Variants in SYNE3 observed in about 807,000 individuals in gnomAD.
The protein encoded by SYNE3 is nesprin-3.
A neutral mutation model predicts 111.2 loss-of-function variants in SYNE3; 100 were observed. The observed-to-expected ratio is 0.90, with a 90% confidence interval of 0.77 to 1.06. SYNE3 has a LOEUF of 1.06. Among genes scored for constraint, SYNE3 ranks in the 50% least tolerant of loss-of-function variants. SYNE3 has a pLI of 0.00. For synonymous variants in SYNE3, 547 were observed against 533.9 expected (o/e 1.02, Z -0.34); for missense variants, 1,160 against 1,240.3 (o/e 0.94, Z 0.97).
chr14:95,417,676 C>T lies in SYNE3; in HGVS notation c.*150G>A. ...ACAACACTGTATAAAAAGTAAGTGT[C>T]TTCTGGGAACGCTGACACAGCACTG... On this transcript the variant is annotated 3_prime_UTR_variant, in exon 18 of 18. Coordinates refer to ENST00000682763, the MANE Select transcript of SYNE3 (RefSeq NM_152592.6). The T allele has an allele frequency of 2.5e-6, 2 of 791,988 alleles. No homozygotes were observed. Among genetic ancestry groups the T allele is most frequent in the Non-Finnish European group, 4.3e-6 (2 of 461,132 alleles). 49.1% of individuals were successfully genotyped at this position (791,988 alleles called of 1,614,324 possible). A position where few individuals can be genotyped will look rare whatever the true frequency, so the allele number is the denominator to read the frequency against.
rs1478523838 is a variant in SYNE3 at position 95,414,843 on chromosome 14, G to T, written c.*2983C>A. ...GCCTGGCTCTCCTTTAAGCAAAGGA[G>T]ATTGCACTTGTGCTTGGAAGCACCA... On this transcript the variant is annotated 3_prime_UTR_variant, in exon 18 of 18. Coordinates refer to ENST00000682763, the MANE Select transcript of SYNE3 (RefSeq NM_152592.6). The T allele has an allele frequency of 6.6e-6, 1 of 152,206 alleles. No homozygotes were observed. The highest frequency in any genetic ancestry group is 1.5e-5 in the Non-Finnish European group (1 of 68,040). 9.4% of individuals were successfully genotyped at this position (152,206 alleles called of 1,614,324 possible).
intron 1 of SYNE3, among the ~76,000 whole-genome samples, chr14:95,506,834 G>A (rs1890545625): frequency 6.6e-6 from 1 of 152,166 alleles, no homozygotes; most frequent in Non-Finnish European, 1.5e-5. Flanking sequence ...CCAGGCCCAT[G>A]GAGGTTATGT....
At chr14:95,504,839 AAAAG>A (rs1386533875) in intron 1 of SYNE3, among the ~76,000 whole-genome samples, 1 of 151,178 alleles carries the variant, frequency 6.6e-6, no homozygotes, top group Admixed American at 6.6e-5. Flanking sequence ...GAAAAAAGAA[AAAAG>A]AAAAAAGACA....
chr14:95,443,426 G>A (rs1886520841), intron 10 of SYNE3, 137 bp from the exon 11 acceptor site: 1 of 1,105,932 alleles, frequency 9.0e-7, no homozygotes, highest in Non-Finnish European at 1.3e-6. Context: ...TTTCATACCA[G>A]CGGAAGTACC....
At chr14:95,419,716 T>C (rs1187405350) in intron 17 of SYNE3, among the ~76,000 whole-genome samples, 1 of 10,524 alleles carries the variant, frequency 9.5e-5, no homozygotes, top group Non-Finnish European at 1.7e-4. Flanking sequence ...GGTGGTGGGG[T>C]GGGGGTGGGG....
intron 17 of SYNE3, among the ~76,000 whole-genome samples, chr14:95,422,255 G>C (rs550266185): frequency 2.0e-5 from 3 of 151,868 alleles, no homozygotes; most frequent in African/African-American, 4.8e-5. Flanking sequence ...GGCTCCACTT[G>C]TTAGTGAACT....
At chr14:95,444,369 T>A in intron 10 of SYNE3, 116 bp downstream of exon 10, 1 of 1,411,810 alleles carries the variant, frequency 7.1e-7, no homozygotes, top group Non-Finnish European at 9.4e-7. Context: ...ACTAAGGGTC[T>A]AAATTTCTGG....
intron 15 of SYNE3, among the ~76,000 whole-genome samples, chr14:95,434,506 C>T (rs1885973773): frequency 6.6e-6 from 1 of 152,138 alleles, no homozygotes; most frequent in Non-Finnish European, 1.5e-5. Flanking sequence ...TAAACCTGGA[C>T]CTTGTGTAGA....
chr14:95,441,881 C>A (rs899520666), intron 11 of SYNE3, among the ~76,000 whole-genome samples: 2 of 152,192 alleles, frequency 1.3e-5, no homozygotes, highest in South Asian at 2.1e-4. Flanking sequence ...GAGGGTGATA[C>A]TAGGTGGAGT....
intron 17 of SYNE3, among the ~76,000 whole-genome samples, chr14:95,423,535 GATGGGGATTTGATGGGC>G (rs1566954912): frequency 6.6e-5 from 6 of 90,278 alleles, no homozygotes; most frequent in Admixed American, 1.2e-4. Flanking sequence ...ATTTGATGGG[GATGGGGATTTGATGGGC>G]ATGGGGATTT....
At chr14:95,480,076 A>G in intron 1 of SYNE3, among the ~76,000 whole-genome samples, 1 of 152,202 alleles carries the variant, frequency 6.6e-6, no homozygotes, top group East Asian at 1.9e-4. Context: ...TAAATAAATA[A>G]AAAAGAACTG....
chr14:95,413,199 C>CTCTG lies in SYNE3; in HGVS notation c.*4623_*4626dup, dbSNP rs1903479720. 1 of 140,514 alleles carries CTCTG rather than the reference C, an allele frequency of 7.1e-6. No individual in the cohort carries two copies. The highest frequency in any genetic ancestry group is 1.5e-5 in the Non-Finnish European group (1 of 64,570). 8.7% of individuals were successfully genotyped at this position (140,514 alleles called of 1,614,324 possible). A position where few individuals can be genotyped will look rare whatever the true frequency, so the allele number is the denominator to read the frequency against. ...CCCTTCCTCCTTTTCTCTCTCTTCT[C>CTCTG]TCTGTCTCTTTTGCTCTCACTCTCT... On this transcript the variant is annotated 3_prime_UTR_variant, in exon 18 of 18. Transcript: ENST00000682763.
intron 1 of SYNE3, among the ~76,000 whole-genome samples, chr14:95,480,517 C>T (rs1426096450): frequency 6.6e-6 from 1 of 152,204 alleles, no homozygotes; most frequent in Non-Finnish European, 1.5e-5. Context: ...CAGCCAGTCC[C>T]CCAGAGGTGG....
chr14:95,482,008 C>T (rs1244367903), intron 1 of SYNE3, among the ~76,000 whole-genome samples: 2 of 152,220 alleles, frequency 1.3e-5, no homozygotes, highest in East Asian at 3.8e-4. Context: ...CCTTCCCCGG[C>T]TCTCCAAAGC....
rs1159071106 is a variant in SYNE3 at position 95,415,461 on chromosome 14, T to C, written c.*2365A>G. Reference sequence around the variant, plus strand: ...TTCTCTTCTTCCATGAAATCACAAATTTCTCTAGATATTTGGAAACCAAGT... The same window carrying C: ...TTCTCTTCTTCCATGAAATCACAAACTTCTCTAGATATTTGGAAACCAAGT... On this transcript the variant is annotated 3_prime_UTR_variant, in exon 18 of 18. Coordinates refer to ENST00000682763, the MANE Select transcript of SYNE3 (RefSeq NM_152592.6). 2.6e-5 allele frequency: 4 copies of C among 152,162 alleles called. No homozygotes were observed. Among genetic ancestry groups the C allele is most frequent in the African/African-American group, 9.7e-5 (4 of 41,424 alleles). 9.4% of individuals were successfully genotyped at this position (152,162 alleles called of 1,614,324 possible).
chr14:95,455,742 G>A lies in SYNE3; in HGVS notation c.790-18C>T, dbSNP rs1887392975. 6.2e-7 allele frequency: 1 copy of A among 1,608,598 alleles called. No individual in the cohort carries two copies. Among genetic ancestry groups the A allele is most frequent in the Non-Finnish European group, 8.5e-7 (1 of 1,176,758 alleles). On this transcript the variant is annotated intron_variant, in intron 5 of 17. Transcript: ENST00000682763. The stretch of plus-strand genomic sequence containing the variant: ...GCAATGTCCTGAAGAGGGTAGAGGG[G>A]TGAGGGAAAAACAGGCAGGGAAAAA...
chr14:95,439,034 C>G lies in SYNE3; in HGVS notation c.2375G>C (p.Arg792Pro). ...CACAGCCCTGCTAGACAGACTCACG[C>G]GTCGACGATGCCTGGGAATAGGATC... Reference protein sequence around the residue: ...PMDPIPRHRRRANLLQEEEGS... With the variant: ...PMDPIPRHRRPANLLQEEEGS... The change falls in exon 14 of 18, where the codon CGC (arginine) becomes CCC (proline). Residue 792 changes from arginine to proline, a missense_variant and splice_region_variant. Physicochemically the swap from Arg to Pro is moderately radical, Grantham distance 103. Transcript: ENST00000682763. 6.2e-7 allele frequency: 1 copy of G among 1,614,050 alleles called. No homozygotes were observed. The highest frequency in any genetic ancestry group is 8.5e-7 in the Non-Finnish European group (1 of 1,180,014).
chr14:95,498,635 T>C (rs908886711), intron 1 of SYNE3, among the ~76,000 whole-genome samples: 1 of 152,238 alleles, frequency 6.6e-6, no homozygotes, highest in African/African-American at 2.4e-5. Flanking sequence ...ATGTATAGAA[T>C]AGGACTGCAT....
chr14:95,510,696 G>A (rs1220010309), intron 1 of SYNE3, among the ~76,000 whole-genome samples: 4 of 152,168 alleles, frequency 2.6e-5, no homozygotes, highest in East Asian at 3.8e-4. Flanking sequence ...GCTGAGGCAG[G>A]AGAATTGCTT....
Sources: allele counts gnomAD v4.1 joint callset (sites outside exome capture counted in the v4.1 genomes callset), GRCh38; gene constraint gnomAD v4.1.1; transcripts MANE v1.5; gene names NCBI Gene and HGNC (gene_info 2026-07-23, HGNC 2026-07-21).